GCC1: variants seen among roughly 807,000 people sequenced by gnomAD.
The protein encoded by GCC1 is GRIP and coiled-coil domain containing 1.
GCC1 carries 36 observed loss-of-function variants against 62.5 expected under a neutral mutation model. That is an observed-to-expected ratio of 0.58 (90% CI 0.44 to 0.76). GCC1 has a LOEUF of 0.76. Among genes scored for constraint, GCC1 ranks in the 30% least tolerant of loss-of-function variants. The probability of loss-of-function intolerance (pLI) is 0.00; values close to 1 mark genes in which losing one functional copy is unlikely to be tolerated. For missense variants in GCC1, 885 were observed against 948.3 expected, an observed-to-expected ratio of 0.93 and a Z score of 0.88; for synonymous variants, 391 against 386.8, an observed-to-expected ratio of 1.01 and a Z score of -0.13.
At chr7:127,584,088 A>G in intron 1 of GCC1, 63 bp downstream of exon 1, 1 of 1,469,916 alleles carries the variant, frequency 6.8e-7, no homozygotes, top group Non-Finnish European at 9.3e-7. Flanking sequence ...AAGGAGGAAA[A>G]AAACCCTAAT....
In GCC1 at chr7:127,584,369, G is replaced by A. The variant is rs773693668; in HGVS notation, c.814C>T (p.Arg272Ter). The A allele has an allele frequency of 6.2e-7, 1 of 1,613,754 alleles. No homozygotes were observed. Among genetic ancestry groups the A allele is most frequent in the Non-Finnish European group, 8.5e-7 (1 of 1,179,986 alleles). The change falls in exon 1 of 2, where the codon CGA becomes TGA. Residue 272 changes from arginine to a stop codon, truncating the protein, a stop_gained. Coordinates refer to ENST00000321407, the MANE Select transcript of GCC1 (RefSeq NM_024523.6). LOFTEE classifies it high-confidence loss of function. ...TATGCTCGTCCTGCCAAGGCTTCTC[G>A]GGTCTCTTCTAACCTAAGCTCCAAG... ...QDLELRLEET[R>*]EALAGRAYAA...
Position 127,584,235 on chromosome 7 carries a change from T to G in GCC1, c.948A>C (p.Pro316=). The change falls in exon 1 of 2, where the codon CCA becomes CCC. Residue 316 remains proline (P), a synonymous_variant. Coordinates refer to ENST00000321407, the MANE Select transcript of GCC1 (RefSeq NM_024523.6). ...LQAIRDEKNQ[P]DPRLQELQEE... ...CCTGAAGTTCTTGCAGCCGGGGATC[T>G]GGCTGATTCTTCTCATCTCGAATGG... 6.2e-7 allele frequency: 1 copy of G among 1,613,920 alleles called. No homozygotes were observed. Among genetic ancestry groups the G allele is most frequent in the Non-Finnish European group, 8.5e-7 (1 of 1,179,988 alleles).
rs768122012 is a variant in GCC1 at position 127,583,152 on chromosome 7, C to A, written c.1190G>T (p.Arg397Leu). Residue 397 changes from arginine (R) to leucine (L), a missense_variant, in exon 2 of 2, where the codon CGC becomes CTC. Coordinates refer to ENST00000321407, the MANE Select transcript of GCC1 (RefSeq NM_024523.6). ...GTTCTCCAGGTCCAGCTGCAGAATG[C>A]GCTCCTTCAGCTTCTGAATGGCCAG... is the stretch of plus-strand genomic sequence containing the variant. The part of the protein sequence containing the change: ...DQLAIQKLKE[R>L]ILQLDLENKT... The A allele has an allele frequency of 1.2e-6, 2 of 1,614,016 alleles. No individual in the cohort carries two copies. Among genetic ancestry groups the A allele is most frequent in the South Asian group, 1.1e-5 (1 of 91,060 alleles).
At position 127,582,947 on chromosome 7, in the gene GCC1, C is replaced by G. The variant is rs760571264; in HGVS notation, c.1395G>C (p.Met465Ile). The G allele has an allele frequency of 1.9e-6, 3 of 1,614,188 alleles. No homozygotes were observed. The highest frequency in any genetic ancestry group is 2.7e-5 in the African/African-American group (2 of 75,046). The part of the protein sequence containing the change: ...DVEKLCDLEI[M>I]PSSEAADGEK... Reference sequence around the variant, plus strand: ...CCCCATCAGCAGCCTCCGAGCTGGGCATTATCTCCAGGTCACAGAGCTTCT... The same window carrying G: ...CCCCATCAGCAGCCTCCGAGCTGGGGATTATCTCCAGGTCACAGAGCTTCT... The change falls in exon 2 of 2, where the codon ATG becomes ATC. Residue 465 changes from methionine (M) to isoleucine (I), a missense_variant. Met to Ile is a conservative substitution (Grantham distance 10). Transcript: ENST00000321407. This position sits in a 1 kb window ranked among gnomAD's most constrained non-coding sequence, Gnocchi z 4.8.
In GCC1 at chr7:127,584,903, T is replaced by C. The variant is rs1223668021; in HGVS notation, c.280A>G (p.Ser94Gly). 1 of 1,614,092 alleles carries C rather than the reference T, an allele frequency of 6.2e-7. No homozygotes were observed. The highest frequency in any genetic ancestry group is 8.5e-7 in the Non-Finnish European group (1 of 1,180,024). The change falls in exon 1 of 2, where the codon AGC (serine) becomes GGC (glycine). Residue 94 changes from serine to glycine, a missense_variant. Physicochemically the swap from Ser to Gly is moderately conservative, Grantham distance 56. Coordinates refer to ENST00000321407, the MANE Select transcript of GCC1 (RefSeq NM_024523.6). ...DDRCSTHSED[S>G]TGTATSLDTA... The stretch of plus-strand genomic sequence containing the variant: ...TCCAAGCTAGTGGCGGTCCCAGTGC[T>C]ATCCTCGCTGTGAGTGGAGCACCGG...
In GCC1 at chr7:127,582,265, C is replaced by T. The variant is rs766103716; in HGVS notation, c.2077G>A (p.Glu693Lys). 1.1e-5 allele frequency: 18 copies of T among 1,614,058 alleles called. No homozygotes were observed. The highest frequency in any genetic ancestry group is 4.2e-6 in the Non-Finnish European group (5 of 1,180,052). ...GCTGCAACCTCCTCACGATGCCGTT[C>T]GCCCTCCTCCAGCAGCCGATCCTGC... Reference protein sequence around the residue: ...QLQDRLLEEGERHREEVAALQ... With the variant: ...QLQDRLLEEGKRHREEVAALQ... Residue 693 changes from glutamate (E) to lysine (K), a missense_variant, in exon 2 of 2, where the codon GAA (glutamate) becomes AAA (lysine). Glu to Lys is a moderately conservative substitution (Grantham distance 56). Transcript: ENST00000321407. This position sits in a 1 kb window ranked among gnomAD's most constrained non-coding sequence, Gnocchi z 4.8.
At chr7:127,583,983 T>C (rs555413812) in intron 1 of GCC1, among the ~76,000 whole-genome samples, 168 bp downstream of exon 1, 4 of 152,302 alleles carry the variant, frequency 2.6e-5, no homozygotes, top group African/African-American at 7.2e-5. Context: ...AGCACATATG[T>C]CAACACCGCA....
rs1376084857 is a variant in GCC1, at chr7:127,582,650, C to G, written c.1692G>C (p.Arg564=). 6.2e-7 allele frequency: 1 copy of G among 1,613,494 alleles called. No individual in the cohort carries two copies. Among genetic ancestry groups the G allele is most frequent in the Admixed American group, 1.7e-5 (1 of 60,032 alleles). Residue 564 remains arginine (R), a synonymous_variant, in exon 2 of 2, where the codon CGG becomes CGC. Transcript: ENST00000321407. This position sits in a 1 kb window ranked among gnomAD's most constrained non-coding sequence, Gnocchi z 4.8. ...QELARLQQLH[R]QELERCQLDF... ...CCAGCTGGCACCGCTCCAGCTCCTG[C>G]CGGTGGAGCTGCTGCAGCCGGGCCA...
chr7:127,584,108 T>G, intron 1 of GCC1, 43 bp downstream of exon 1: 1 of 1,559,640 alleles, frequency 6.4e-7, no homozygotes, highest in Non-Finnish European at 8.8e-7. Context: ...TATTTCTCAC[T>G]TCAGGTCAAT....
Position 127,582,592 on chromosome 7 carries a change from C to G in GCC1, c.1750G>C (p.Glu584Gln). 6.2e-7 allele frequency: 1 copy of G among 1,612,430 alleles called. No homozygotes were observed. Among genetic ancestry groups the G allele is most frequent in the Non-Finnish European group, 8.5e-7 (1 of 1,179,974 alleles). ...GCACGATCCCGCTGCTTGTGCAGCT[C>G]CTCCTCCAGTTTCAGTGTGCGGTCC... ...FRDRTLKLEE[E>Q]LHKQRDRALA... The change falls in exon 2 of 2, where the codon GAG (glutamate) becomes CAG (glutamine). Residue 584 changes from glutamate (E) to glutamine (Q), a missense_variant. By Grantham distance (29) the Glu-to-Gln change is conservative (BLOSUM62 2). Transcript: ENST00000321407. The surrounding 1 kb of genome is among the most constrained non-coding windows in gnomAD (Gnocchi z 4.8).
chr7:127,584,084 GA>G (rs569507277), intron 1 of GCC1, 66 bp downstream of exon 1: 10 of 1,434,020 alleles, frequency 7.0e-6, no homozygotes, highest in African/African-American at 4.3e-5. Flanking sequence ...AGCAAAGGAG[GA>G]AAAAAACCCT....
chr7:127,581,624 T>C lies in GCC1; in HGVS notation c.*390A>G, dbSNP rs1348327793. 1 of 171,536 alleles carries C rather than the reference T, an allele frequency of 5.8e-6. No individual in the cohort carries two copies. The highest frequency in any genetic ancestry group is 1.2e-5 in the Non-Finnish European group (1 of 80,090). The allele number at this position is 171,536 out of a possible 1,614,324, so 10.6% of individuals were successfully genotyped here. ...ATGAGAGGGAGAAAATAGCTAGGTT[T>C]TGTGCATTTCAGAGATTAACTGAAC... On this transcript the variant is annotated 3_prime_UTR_variant, in exon 2 of 2. Transcript: ENST00000321407.
Position 127,584,573 on chromosome 7 carries a change from C to T in GCC1, c.610G>A (p.Ala204Thr), listed in dbSNP as rs985860954. The change falls in exon 1 of 2, where the codon GCG (alanine) becomes ACG (threonine). Residue 204 changes from alanine to threonine, a missense_variant. Ala to Thr is a moderately conservative substitution (Grantham distance 58). Transcript: ENST00000321407. ...TCCAGGCGGGCCCTCTCCTCCTCCG[C>T]CTTGTTACTGGCATCCTCTAAGTCC... ...KQDLEDASNK[A>T]EEERARLEGE... The T allele has an allele frequency of 1.2e-6, 2 of 1,614,038 alleles. No individual in the cohort carries two copies. The highest frequency in any genetic ancestry group is 2.7e-5 in the African/African-American group (2 of 74,902).
rs779732613 is a variant in GCC1, at chr7:127,585,138, C to T, written c.45G>A (p.Lys15=). 2 of 1,609,168 alleles carry T rather than the reference C, an allele frequency of 1.2e-6. No homozygotes were observed. The highest frequency in any genetic ancestry group is 1.7e-6 in the Non-Finnish European group (2 of 1,177,678). Residue 15 remains lysine, a synonymous_variant, in exon 1 of 2, where the codon AAG becomes AAA. Coordinates refer to ENST00000321407, the MANE Select transcript of GCC1 (RefSeq NM_024523.6). ...GGGTCTCTATAGTCTCCAGCAAGTC[C>T]TTCTTGCTCGGGCCGCCCCCGAAAT... is the stretch of plus-strand genomic sequence containing the variant. ...GMNFGGGPSK[K]DLLETIETQK...
intron 1 of GCC1, among the ~76,000 whole-genome samples, chr7:127,583,678 C>T (rs34388330): frequency 0.15 from 23,228 of 152,100 alleles, 1,947 homozygotes; most frequent in Middle Eastern, 0.22. Context: ...GCTGGATCTC[C>T]CTCTCCACAT....
At position 127,582,466 on chromosome 7, in the gene GCC1, C is replaced by T. The variant is rs756588648; in HGVS notation, c.1876G>A (p.Gly626Ser). The T allele has an allele frequency of 5.0e-6, 8 of 1,613,810 alleles. No individual in the cohort carries two copies. The highest frequency in any genetic ancestry group is 1.1e-5 in the South Asian group (1 of 91,074). ...GATGTGTCAGCTGGGTCCCCAGGAC[C>T]GCCACCACCCACAGGACTTCTGCGT... ...PGRRSPVGGG[G>S]PGDPADTSSS... The change falls in exon 2 of 2, where the codon GGT becomes AGT. Residue 626 changes from glycine to serine, a missense_variant. By Grantham distance (56) the Gly-to-Ser change is moderately conservative. Transcript: ENST00000321407. This position sits in a 1 kb window ranked among gnomAD's most constrained non-coding sequence, Gnocchi z 4.8.
At position 127,581,817 on chromosome 7, in the gene GCC1, T is replaced by C; in HGVS notation, c.*197A>G. ...ATCAGAAGATACTGCCCCAGGACTT[T>C]CAGTATCTCTAGGGCCTAAGGATAA... On this transcript the variant is annotated 3_prime_UTR_variant, in exon 2 of 2. Coordinates refer to ENST00000321407, the MANE Select transcript of GCC1 (RefSeq NM_024523.6). 1.7e-6 allele frequency: 1 copy of C among 588,140 alleles called. No individual in the cohort carries two copies. The highest frequency in any genetic ancestry group is 3.0e-6 in the Non-Finnish European group (1 of 332,002). 36.4% of individuals were successfully genotyped at this position (588,140 alleles called of 1,614,324 possible).
Position 127,581,944 on chromosome 7 carries a change from G to T in GCC1, c.*70C>A. The T allele has an allele frequency of 1.7e-6, 2 of 1,171,064 alleles. No individual in the cohort carries two copies. Among genetic ancestry groups the T allele is most frequent in the Non-Finnish European group, 2.5e-6 (2 of 807,146 alleles). The allele number at this position is 1,171,064 out of a possible 1,614,324, so 72.5% of individuals were successfully genotyped here. A position where few individuals can be genotyped will look rare whatever the true frequency, so the allele number is the denominator to read the frequency against. ...AAATGACAATGTAAGAGAAGAGGCA[G>T]CAGAAACCAGAGCCTGCCCTTTCCC... is the stretch of plus-strand genomic sequence containing the variant. On this transcript the variant is annotated 3_prime_UTR_variant, in exon 2 of 2. Transcript: ENST00000321407.
In GCC1 at chr7:127,585,290, G is replaced by T; in HGVS notation, c.-108C>A. ...AACAGCGAGCGGGCTGTCCGGCGGC[G>T]GGCCGCACACCTACTCCACCTAGTT... On this transcript the variant is annotated 5_prime_UTR_variant, in exon 1 of 2. Transcript: ENST00000321407. The T allele has an allele frequency of 1.1e-5, 12 of 1,064,982 alleles. No individual in the cohort carries two copies. The highest frequency in any genetic ancestry group is 1.6e-5 in the Non-Finnish European group (12 of 744,902). The allele number at this position is 1,064,982 out of a possible 1,614,324, so 66.0% of individuals were successfully genotyped here.
Sources: gnomAD v4.1 joint callset for allele counts (sites outside exome capture counted in the v4.1 genomes callset) on GRCh38, gnomAD v4.1.1 for gene constraint, Gnocchi (gnomAD v3.1) non-coding constraint, MANE v1.5 for transcripts, NCBI Gene and HGNC (gene_info 2026-07-23, HGNC 2026-07-21) for gene names.